ACO1: variants seen among roughly 807,000 people sequenced by gnomAD.
ACO1 encodes cytoplasmic aconitate hydratase.
ACO1 carries 78 observed loss-of-function variants against 105.1 expected under a neutral mutation model. The ratio of observed to expected loss-of-function variants is 0.74; its 90% confidence interval spans 0.62 to 0.90. The LOEUF is 0.90. Among genes scored for constraint, ACO1 ranks in the 40% least tolerant of loss-of-function variants. The probability of loss-of-function intolerance (pLI) is 0.00; values close to 1 mark genes in which losing one functional copy is unlikely to be tolerated. For missense variants in ACO1, 965 were observed against 1,111.1 expected (o/e 0.87, Z 1.87); for synonymous variants, 364 against 397.4 (o/e 0.92, Z 1.00).
At chr9:32,416,899 G>T (rs932623360) in intron 4 of ACO1, among the ~76,000 whole-genome samples, 1 of 152,198 alleles carries the variant, frequency 6.6e-6, no homozygotes, top group Admixed American at 6.5e-5. Context: ...TACATGAGGG[G>T]TTGTGATGAT....
At chr9:32,389,686 C>CTTTTTT (rs1821226319) in intron 1 of ACO1, among the ~76,000 whole-genome samples, 1 of 138,686 alleles carries the variant, frequency 7.2e-6, no homozygotes. Context: ...TTTTTTTTTC[C>CTTTTTT]TTTTCTCTAT....
At chr9:32,388,835 C>T (rs996422664) in intron 1 of ACO1, among the ~76,000 whole-genome samples, 5 of 152,128 alleles carry the variant, frequency 3.3e-5, no homozygotes, top group African/African-American at 1.2e-4. Flanking sequence ...GCTTTTACAA[C>T]ATAGTAAACC....
At chr9:32,396,344 A>G (rs1821371622) in intron 1 of ACO1, among the ~76,000 whole-genome samples, 1 of 152,206 alleles carries the variant, frequency 6.6e-6, no homozygotes, top group African/African-American at 2.4e-5. Context: ...AAGTCCTCAC[A>G]GTAGGGACTT....
intron 19 of ACO1, among the ~76,000 whole-genome samples, chr9:32,443,856 T>C (rs563589797): frequency 9.2e-5 from 14 of 152,338 alleles, no homozygotes; most frequent in Middle Eastern, 3.4e-3. Flanking sequence ...TATTATACTT[T>C]AAGTTCTGGG....
At chr9:32,427,270 C>A (rs777768429) in intron 11 of ACO1, 31 bp from the exon 12 acceptor site, 1 of 1,586,410 alleles carries the variant, frequency 6.3e-7, no homozygotes, top group Non-Finnish European at 8.7e-7. Flanking sequence ...AGGCAGCCTC[C>A]CACACTGCAT....
intron 19 of ACO1, among the ~76,000 whole-genome samples, chr9:32,442,042 TC>T (rs1822492415): frequency 6.6e-6 from 1 of 151,978 alleles, no homozygotes; most frequent in Non-Finnish European, 1.5e-5. Context: ...GAATCTGCCC[TC>T]TCTCTGTAGC....
At position 32,399,768 on chromosome 9, in the gene ACO1, T is replaced by A. The variant is rs889076753; in HGVS notation, c.-22-5717T>A. ...AAGATATTTGAGGTTTATTGTTGAGTGAAAAAAAGCAATTAGCAAAACAAT... is the reference window on the plus strand; with the variant it reads ...AAGATATTTGAGGTTTATTGTTGAGAGAAAAAAAGCAATTAGCAAAACAAT... On this transcript the variant is annotated intron_variant, in intron 1 of 20. Transcript: ENST00000309951. 2.0e-5 allele frequency among the ~76,000 whole-genome samples: 3 copies of A among 151,464 alleles called. No homozygotes were observed. In the South Asian group the frequency reaches 6.2e-4, roughly 31 times the overall value.
chr9:32,433,683 C>G (rs1822289654), intron 15 of ACO1, 45 bp from the exon 16 acceptor site: 6 of 1,444,200 alleles, frequency 4.2e-6, no homozygotes, highest in Non-Finnish European at 5.7e-6. Flanking sequence ...TAAATTTTCT[C>G]TGGAATGGGA....
chr9:32,420,735 G>A, intron 7 of ACO1, 121 bp from the exon 8 acceptor site: 7 of 981,706 alleles, frequency 7.1e-6, no homozygotes, highest in Non-Finnish European at 1.1e-5. Context: ...CAAATGTGTT[G>A]GGCTGATTTA....
At position 32,420,838 on chromosome 9, in the gene ACO1, G is replaced by A. The variant is rs757539185; in HGVS notation, c.799-18G>A. On this transcript the variant is annotated intron_variant, in intron 7 of 20. Coordinates refer to ENST00000309951, the MANE Select transcript of ACO1 (RefSeq NM_002197.3). ...GGGCCATCAGATCTCAAACTTTTCT[G>A]TTGTTTCTGCTGCTTAGCACCTCCG... is the stretch of plus-strand genomic sequence containing the variant. 12 of 1,605,698 alleles carry A rather than the reference G, an allele frequency of 7.5e-6. No homozygotes were observed. The highest frequency in any genetic ancestry group is 8.5e-7 in the Non-Finnish European group (1 of 1,174,166).
At chr9:32,440,346 G>C (rs1822449124) in intron 18 of ACO1, 119 bp from the exon 19 acceptor site, 1 of 1,003,172 alleles carries the variant, frequency 1.0e-6, no homozygotes, top group Non-Finnish European at 1.5e-6. Flanking sequence ...TAGACAAGAT[G>C]ATTGGACGGA....
At chr9:32,441,474 G>C (rs758427835) in intron 19 of ACO1, among the ~76,000 whole-genome samples, 19 of 152,166 alleles carry the variant, frequency 1.2e-4, no homozygotes, top group Non-Finnish European at 1.8e-4. Flanking sequence ...CAGTTCTCCA[G>C]ACATTTAGGC....
At chr9:32,416,778 A>G (rs1218038450) in intron 4 of ACO1, among the ~76,000 whole-genome samples, 2 of 152,218 alleles carry the variant, frequency 1.3e-5, no homozygotes, top group East Asian at 1.9e-4. Flanking sequence ...CCCCAGGGCC[A>G]GTCAGACCTA....
rs1822362458 is a variant in ACO1 at position 32,436,388 on chromosome 9, T to G, written c.2238T>G (p.Ser746=). The G allele has an allele frequency of 6.2e-7, 1 of 1,614,092 alleles. No individual in the cohort carries two copies. The highest frequency in any genetic ancestry group is 8.5e-7 in the Non-Finnish European group (1 of 1,179,964). Residue 746 remains serine (S), a synonymous_variant, in exon 18 of 21, where the codon TCT becomes TCG. Transcript: ENST00000309951. ...KQAPQTIHLP[S]GEILDVFDAA... is the part of the protein sequence containing the mutation. ...CACCACAGACTATCCATCTGCCTTCTGGGGAAATCGTGAGTATTGTCTTCT... is the reference window on the plus strand; with the variant it reads ...CACCACAGACTATCCATCTGCCTTCGGGGGAAATCGTGAGTATTGTCTTCT...
chr9:32,431,985 G>A, intron 15 of ACO1, 142 bp downstream of exon 15: 2 of 1,000,716 alleles, frequency 2.0e-6, no homozygotes, highest in Admixed American at 6.9e-5. Context: ...TGGGGAGGTG[G>A]TTCTCCGTCA....
intron 18 of ACO1, 95 bp downstream of exon 18, chr9:32,436,492 T>C: frequency 2.1e-6 from 3 of 1,440,890 alleles, no homozygotes; most frequent in Non-Finnish European, 2.9e-6. Flanking sequence ...GTTTTAGTTT[T>C]TCTTCACAGC....
At position 32,439,955 on chromosome 9, in the gene ACO1, T is replaced by C. The variant is rs939021440; in HGVS notation, c.2248-510T>C. Among the ~76,000 whole-genome samples the C allele has an allele frequency of 6.6e-6, 1 of 152,192 alleles. No homozygotes were observed. Among genetic ancestry groups the C allele is most frequent in the Non-Finnish European group, 1.5e-5 (1 of 68,018 alleles). ...ATTAGGCATTTCTGTCAAAAGAATA[T>C]AAAATGGTTTTTAAGAATACAAAAT... On this transcript the variant is annotated intron_variant, in intron 18 of 20. Coordinates refer to ENST00000309951, the MANE Select transcript of ACO1 (RefSeq NM_002197.3). The surrounding 1 kb of genome is among the most constrained non-coding windows in gnomAD (Gnocchi z 4.0).
intron 10 of ACO1, among the ~76,000 whole-genome samples, chr9:32,425,347 T>G (rs1173113960): frequency 6.6e-6 from 1 of 152,212 alleles, no homozygotes; most frequent in Non-Finnish European, 1.5e-5. Flanking sequence ...ACACCAGTAT[T>G]ATGCCAAATA....
At chr9:32,395,062 G>A (rs1190092817) in intron 1 of ACO1, among the ~76,000 whole-genome samples, 3 of 152,224 alleles carry the variant, frequency 2.0e-5, no homozygotes, top group Non-Finnish European at 4.4e-5. Flanking sequence ...TGCGAAATGA[G>A]TTCAGGAGCC....
Sources: allele counts gnomAD v4.1 joint callset (sites outside exome capture counted in the v4.1 genomes callset), GRCh38; gene constraint gnomAD v4.1.1; non-coding constraint Gnocchi (gnomAD v3.1); transcripts MANE v1.5; gene names NCBI Gene and HGNC (gene_info 2026-07-23, HGNC 2026-07-21).